The following AMMECR1 variants were observed in gnomAD, a reference collection of about 807,000 sequenced individuals.
AMMECR1 encodes nuclear protein AMMECR1.
In AMMECR1, 3 loss-of-function variants were observed where a neutral mutation model predicts 22.5. The ratio of observed to expected loss-of-function variants is 0.13; its 90% CI spans 0.06 to 0.35. The LOEUF (loss-of-function observed/expected upper bound fraction) is 0.35, where lower values mean the gene tolerates loss of function less well. Ranked by LOEUF, AMMECR1 falls within the 10% of genes least tolerant of loss-of-function variation. The pLI is 1.00. For synonymous variants in AMMECR1, 130 were observed against 116.7 expected (o/e 1.11, Z -0.74); for missense variants, 235 against 278.7 (o/e 0.84, Z 1.12).
At chrX:110,249,522 T>C (rs1274226413) in intron 2 of AMMECR1, among the ~76,000 whole-genome samples, 3 of 111,565 alleles carry the variant, frequency 2.7e-5, no homozygotes, top group Non-Finnish European at 5.6e-5. Flanking sequence ...TTATATAAAA[T>C]ACCTACGAGA....
At chrX:110,413,227 G>A (rs2068653312) in intron 2 of AMMECR1, among the ~76,000 whole-genome samples, 1 of 111,092 alleles carries the variant, frequency 9.0e-6, no homozygotes, top group Admixed American at 9.5e-5. Context: ...CTACACCCTG[G>A]ATAAATTTTA....
intron 1 of AMMECR1, among the ~76,000 whole-genome samples, chrX:110,271,067 A>T (rs1265824961): frequency 8.9e-6 from 1 of 111,791 alleles, no homozygotes; most frequent in East Asian, 2.8e-4. Context: ...GTTAAGATTC[A>T]GATGCATTTC....
At position 110,196,452 on chromosome X, in the gene AMMECR1, TCA is replaced by T. The variant is rs2067372013; in HGVS notation, c.*2066_*2067del. ...GCAGACAATATCATTCAGCTTGTGCTCAGTTTCCCTATAAGGGTAAGAAAAGT... is the reference window on the plus strand; with the variant it reads ...GCAGACAATATCATTCAGCTTGTGCTGTTTCCCTATAAGGGTAAGAAAAGT... On this transcript the variant is annotated 3_prime_UTR_variant, in exon 6 of 6. Coordinates refer to ENST00000262844, the MANE Select transcript of AMMECR1 (RefSeq NM_015365.3). 9.2e-6 allele frequency: 1 copy of T among 108,360 alleles called. No homozygotes were observed. Among genetic ancestry groups the T allele is most frequent in the Non-Finnish European group, 1.9e-5 (1 of 52,247 alleles). The allele number at this position is 108,360 out of a possible 1,213,427, so 8.9% of individuals were successfully genotyped here.
chrX:110,202,468 T>A lies in AMMECR1; in HGVS notation c.768A>T (p.Leu256=). ...GACCTTGCTCCTTTGCAACCTCCGG[T>A]AGGTAGGTGGCGGTGCGTTTTGATC... The part of the protein sequence containing the change: ...EKGSKRTATY[L]PEVAKEQGWD... Residue 256 remains leucine, a synonymous_variant, in exon 4 of 6, where the codon CTA becomes CTT. Transcript: ENST00000262844. The A allele has an allele frequency of 8.3e-7, 1 of 1,206,716 alleles. No individual in the cohort carries two copies. The highest frequency in any genetic ancestry group is 1.1e-6 in the Non-Finnish European group (1 of 891,320).
intron 1 of AMMECR1, among the ~76,000 whole-genome samples, chrX:110,292,489 A>G (rs2067913963): frequency 8.9e-6 from 1 of 112,494 alleles, no homozygotes; most frequent in South Asian, 3.7e-4. Flanking sequence ...GAATGAATAA[A>G]CAAACTATAG....
intron 1 of AMMECR1, among the ~76,000 whole-genome samples, chrX:110,433,125 C>T (rs184626833): frequency 8.9e-6 from 1 of 112,587 alleles, no homozygotes; most frequent in Non-Finnish European, 1.9e-5. Context: ...GCTCCAAGAC[C>T]TGCCTCAGTG....
intron 2 of AMMECR1, among the ~76,000 whole-genome samples, chrX:110,237,884 T>G (rs2067609775): frequency 8.9e-6 from 1 of 112,345 alleles, no homozygotes; most frequent in African/African-American, 3.2e-5. Context: ...ATTTCAAAAT[T>G]TGTGCTAATT....
chrX:110,276,451 T>C (rs920505521), intron 1 of AMMECR1, among the ~76,000 whole-genome samples: 1 of 112,245 alleles, frequency 8.9e-6, no homozygotes, highest in Admixed American at 9.5e-5. Context: ...TTATAATCAT[T>C]ATATTGTTGA....
intron 2 of AMMECR1, among the ~76,000 whole-genome samples, chrX:110,351,591 C>A (rs1381836554): frequency 9.0e-6 from 1 of 111,394 alleles, no homozygotes; most frequent in African/African-American, 3.3e-5. Flanking sequence ...AAAATTAACT[C>A]AAAATGGAGC....
At chrX:110,402,835 G>T (rs1455194823) in intron 2 of AMMECR1, among the ~76,000 whole-genome samples, 3 of 112,121 alleles carry the variant, frequency 2.7e-5, no homozygotes, top group African/African-American at 9.7e-5. Context: ...GTCCTGAAAG[G>T]GGGGTGTCTC....
chrX:110,273,045 G>A (rs2067807759), intron 1 of AMMECR1, among the ~76,000 whole-genome samples: 1 of 111,868 alleles, frequency 8.9e-6, no homozygotes, highest in East Asian at 2.8e-4. Context: ...GGATTGGTGG[G>A]TCAAACAGTA....
intron 2 of AMMECR1, among the ~76,000 whole-genome samples, chrX:110,343,982 G>A (rs2068176674): frequency 9.0e-6 from 1 of 111,503 alleles, no homozygotes; most frequent in Admixed American, 9.5e-5. Context: ...TCACAGAATT[G>A]GAAAAAACTA....
Position 110,200,940 on chromosome X carries a change from A to G in AMMECR1, c.887+14T>C. On this transcript the variant is annotated intron_variant, in intron 5 of 5. Transcript: ENST00000262844. Reference sequence around the variant, plus strand: ...TGTACAGGTTAGCCTTGTGCTAGAAAATGTCTTCTGTACCTGGTCAGTTTT... The same window carrying G: ...TGTACAGGTTAGCCTTGTGCTAGAAGATGTCTTCTGTACCTGGTCAGTTTT... 2 of 1,170,576 alleles carry G rather than the reference A, an allele frequency of 1.7e-6. No individual in the cohort carries two copies. Among genetic ancestry groups the G allele is most frequent in the South Asian group, 1.8e-5 (1 of 55,850 alleles).
At chrX:110,282,985 C>CTAAAGGATA (rs1474544923) in intron 1 of AMMECR1, among the ~76,000 whole-genome samples, 4 of 111,697 alleles carry the variant, frequency 3.6e-5, no homozygotes, top group Non-Finnish European at 7.5e-5. Flanking sequence ...GGTTTATCAT[C>CTAAAGGATA]TCCAGCTATG....
In AMMECR1 at chrX:110,244,968, A is replaced by G. The variant is rs368455402; in HGVS notation, c.584+19521T>C. 1.2e-4 allele frequency among the ~76,000 whole-genome samples: 13 copies of G among 112,437 alleles called. No homozygotes were observed. In the East Asian group the frequency reaches 2.5e-3, roughly 22 times the overall value. On this transcript the variant is annotated intron_variant, in intron 2 of 5. Transcript: ENST00000262844. ...TCTGTAGGACATAATGCCAGTGAAA[A>G]AAGACCTTTTACAGTAGATTCAGCT...
At chrX:110,241,455 C>G (rs970919698) in intron 2 of AMMECR1, among the ~76,000 whole-genome samples, 11 of 111,927 alleles carry the variant, frequency 9.8e-5, no homozygotes, top group African/African-American at 3.6e-4. Context: ...ACTATAAACA[C>G]CTCTACGCAC....
chrX:110,198,534 T>G lies in AMMECR1; in HGVS notation c.988A>C (p.Asn330His). Residue 330 changes from asparagine (N) to histidine (H), a missense_variant, in exon 6 of 6, where the codon AAC (asparagine) becomes CAC (histidine). Physicochemically the swap from Asn to His is moderately conservative, Grantham distance 68 (BLOSUM62 1). Transcript: ENST00000262844. The part of the protein sequence containing the change: ...NGIGHPLPPY[N>H]HYS ...GCGGCTCAGTGTCAGGAATAATGGT[T>G]GTATGGCGGAAGGGGATGCCCAATG... 1 of 1,185,284 alleles carries G rather than the reference T, an allele frequency of 8.4e-7. No individual in the cohort carries two copies. Among genetic ancestry groups the G allele is most frequent in the Non-Finnish European group, 1.1e-6 (1 of 879,797 alleles).
intron 1 of AMMECR1, among the ~76,000 whole-genome samples, chrX:110,274,833 T>C (rs1442376919): frequency 8.9e-6 from 1 of 112,099 alleles, no homozygotes; most frequent in Non-Finnish European, 1.9e-5. Context: ...GAGTATACTT[T>C]AGTATTTAAT....
At chrX:110,238,294 T>C (rs992361401) in intron 2 of AMMECR1, among the ~76,000 whole-genome samples, 6 of 112,678 alleles carry the variant, frequency 5.3e-5, no homozygotes, top group Non-Finnish European at 9.4e-5. Context: ...ATGTTGGTGT[T>C]GCTAGATCCT....
Sources: allele counts gnomAD v4.1 joint callset (sites outside exome capture counted in the v4.1 genomes callset), GRCh38; gene constraint gnomAD v4.1.1; transcripts MANE v1.5; gene names NCBI Gene and HGNC (gene_info 2026-07-23, HGNC 2026-07-21).